ATXN7L1: variants seen among roughly 807,000 people sequenced by gnomAD.
The protein encoded by ATXN7L1 is ataxin-7-like protein 1.
A neutral mutation model predicts 70.8 loss-of-function variants in ATXN7L1; 15 were observed. The ratio of observed to expected loss-of-function variants is 0.21; its 90% CI spans 0.14 to 0.33. The LOEUF (loss-of-function observed/expected upper bound fraction) is 0.33. ATXN7L1 is among the 10% of genes least tolerant of loss of function. The pLI is 1.00. For synonymous variants in ATXN7L1, 440 were observed against 445.1 expected (o/e 0.99, Z 0.14); for missense variants, 975 against 1,097.1 (o/e 0.89, Z 1.57).
In ATXN7L1 at chr7:105,671,889, CAAAAA is replaced by C. The variant is rs55748938; in HGVS notation, c.356-6606_356-6602del. 2.6e-3 allele frequency among the ~76,000 whole-genome samples: 146 copies of C among 56,418 alleles called. 4 individuals carry two copies. In the East Asian group the frequency reaches 0.08, roughly 31 times the overall value. 37.0% of individuals were successfully genotyped at this position (56,418 alleles called of 152,430 possible). A position where few individuals can be genotyped will look rare whatever the true frequency, so the allele number is the denominator to read the frequency against. On this transcript the variant is annotated intron_variant, in intron 3 of 11. Coordinates refer to ENST00000419735, the MANE Select transcript of ATXN7L1 (RefSeq NM_020725.2). ...TGAATGACAGAGTGAGACCCTGTCTCAAAAAAAAAAAAAAAAAAAAAAAAAAGAAT... is the reference window on the plus strand; with the variant it reads ...TGAATGACAGAGTGAGACCCTGTCTCAAAAAAAAAAAAAAAAAAAAAGAAT...
rs530098640 is a variant in ATXN7L1 at position 105,861,707 on chromosome 7, A to G, written c.250+14105T>C. Among the ~76,000 whole-genome samples the G allele has an allele frequency of 3.3e-5, 5 of 152,264 alleles. No individual in the cohort carries two copies. The East Asian group carries it at 7.7e-4, about 23-fold the overall frequency. ...GGTGTGAACAGGAGCCAGGGTCCGG[A>G]GCAAATGCAGAGCAAACCGAGGGCA... On this transcript the variant is annotated intron_variant, in intron 2 of 11. Transcript: ENST00000419735.
chr7:105,648,650 C>G (rs1298165967), intron 4 of ATXN7L1, among the ~76,000 whole-genome samples: 3 of 152,178 alleles, frequency 2.0e-5, no homozygotes, highest in Non-Finnish European at 4.4e-5. Context: ...GCTGCAGCCA[C>G]AGTGCAGTCA....
chr7:105,778,566 A>T (rs950844923), intron 3 of ATXN7L1, among the ~76,000 whole-genome samples: 1 of 151,606 alleles, frequency 6.6e-6, no homozygotes, highest in Admixed American at 6.6e-5. Context: ...AGTTATGAAG[A>T]TCCTATTAAT....
At chr7:105,853,597 A>G (rs1815234963) in intron 2 of ATXN7L1, among the ~76,000 whole-genome samples, 1 of 148,920 alleles carries the variant, frequency 6.7e-6, no homozygotes, top group Non-Finnish European at 1.5e-5. Context: ...AAAAAAAACA[A>G]AAAAAGCCCC....
chr7:105,800,798 G>A (rs968741369), intron 2 of ATXN7L1, among the ~76,000 whole-genome samples: 4 of 152,208 alleles, frequency 2.6e-5, no homozygotes, highest in African/African-American at 9.6e-5. Context: ...TCCCCTGTAA[G>A]GTTGCTGCTA....
At position 105,703,639 on chromosome 7, in the gene ATXN7L1, C is replaced by T. The variant is rs754683609; in HGVS notation, c.356-38351G>A. On this transcript the variant is annotated intron_variant, in intron 3 of 11. Transcript: ENST00000419735. ...TGGCCAAAACCCTGAGAGACACTAC[C>T]CACCCTTGTATAAACAGGTATTAGA... Among the ~76,000 whole-genome samples the T allele has an allele frequency of 3.9e-5, 6 of 152,160 alleles. No homozygotes were observed. In the South Asian group the frequency reaches 6.2e-4, roughly 16 times the overall value.
At chr7:105,716,918 C>A in intron 3 of ATXN7L1, among the ~76,000 whole-genome samples, 1 of 151,668 alleles carries the variant, frequency 6.6e-6, no homozygotes, top group East Asian at 1.9e-4. Flanking sequence ...TTTAAAAAAT[C>A]TAATTATTAA....
chr7:105,838,243 T>C (rs1812689093), intron 2 of ATXN7L1, among the ~76,000 whole-genome samples: 1 of 152,146 alleles, frequency 6.6e-6, no homozygotes, highest in Admixed American at 6.5e-5. Flanking sequence ...TCGTTCTTTC[T>C]TTTTTTGGTG....
intron 7 of ATXN7L1, among the ~76,000 whole-genome samples, chr7:105,637,959 G>A (rs531115230): frequency 1.8e-4 from 28 of 152,268 alleles, no homozygotes; most frequent in African/African-American, 6.3e-4. Flanking sequence ...TCCAGGAATC[G>A]TCAACTAATA....
intron 3 of ATXN7L1, among the ~76,000 whole-genome samples, chr7:105,698,932 TAC>T (rs1792086982): frequency 7.0e-6 from 1 of 142,692 alleles, no homozygotes; most frequent in Non-Finnish European, 1.5e-5. Context: ...TATATATATA[TAC>T]CTTACTAGGC....
At chr7:105,621,222 T>A (rs1323894836) in intron 8 of ATXN7L1, among the ~76,000 whole-genome samples, 2 of 152,196 alleles carry the variant, frequency 1.3e-5, no homozygotes, top group Non-Finnish European at 2.9e-5. Context: ...GTTGTCTCCT[T>A]CCTTCTTCTT....
intron 2 of ATXN7L1, chr7:105,819,842 TG>T: frequency 1.6e-6 from 1 of 615,300 alleles, no homozygotes; most frequent in East Asian, 4.0e-5. Context: ...AAAAAGCGGA[TG>T]GTGGTTCCTG....
At chr7:105,870,006 G>A (rs935192733) in intron 2 of ATXN7L1, among the ~76,000 whole-genome samples, 1 of 152,164 alleles carries the variant, frequency 6.6e-6, no homozygotes, top group Non-Finnish European at 1.5e-5. Flanking sequence ...ATCTGGCCGG[G>A]TGCGGTGGCT....
chr7:105,619,532 T>A (rs7795234), intron 9 of ATXN7L1, among the ~76,000 whole-genome samples: 395 of 4,974 alleles, frequency 0.079, 1 homozygote, highest in South Asian at 0.14. Flanking sequence ...ATATATATAT[T>A]TTTTTTTTTT....
chr7:105,710,245 G>T (rs1019700284), intron 3 of ATXN7L1, among the ~76,000 whole-genome samples: 1 of 152,138 alleles, frequency 6.6e-6, no homozygotes, highest in Non-Finnish European at 1.5e-5. Flanking sequence ...ATGAAGAAAA[G>T]AGGTTTAATT....
rs200750459 is a variant in ATXN7L1, at chr7:105,624,097, G to A, written c.1373C>T (p.Thr458Met). Residue 458 changes from threonine to methionine, a missense_variant, in exon 8 of 12, where the codon ACG (threonine) becomes ATG (methionine). By Grantham distance (81) the Thr-to-Met change is moderately conservative. This residue lies in a region of ATXN7L1 where 635 missense variants were observed against 699.4 expected (regional missense o/e 0.91). Coordinates refer to ENST00000419735, the MANE Select transcript of ATXN7L1 (RefSeq NM_020725.2). ...TACCGCCAGAGGTCTGGGGTGGTGCGTGGAGAACTGACAGTCTAGCTTCTC... is the reference window on the plus strand; with the variant it reads ...TACCGCCAGAGGTCTGGGGTGGTGCATGGAGAACTGACAGTCTAGCTTCTC... ...ESEKLDCQFS[T>M]HHPRPLAFCS... 6.7e-6 allele frequency: 10 copies of A among 1,492,570 alleles called. No homozygotes were observed. The highest frequency in any genetic ancestry group is 1.4e-5 in the African/African-American group (1 of 70,820). 92.5% of individuals were successfully genotyped at this position (1,492,570 alleles called of 1,614,324 possible).
At chr7:105,619,682 G>A (rs1402243801) in intron 9 of ATXN7L1, among the ~76,000 whole-genome samples, 2 of 149,882 alleles carry the variant, frequency 1.3e-5, no homozygotes, top group African/African-American at 4.9e-5. Flanking sequence ...CTTTCAAGTA[G>A]CTAGGATCAT....
Position 105,614,714 on chromosome 7 carries a change from A to G in ATXN7L1, c.1620T>C (p.Ala540=). The part of the protein sequence containing the change: ...SVLQPFSNPS[A]VYLPSAPISS... ...TGATGGGAGCTGAAGGAAGATACAC[A>G]GCACTGGGGTTGCTGAAAGGCTGCA... The change falls in exon 10 of 12, where the codon GCT becomes GCC. Residue 540 remains alanine (A), a synonymous_variant. Transcript: ENST00000419735. This position sits in a 1 kb window ranked among gnomAD's most constrained non-coding sequence, Gnocchi z 4.3. The G allele has an allele frequency of 1.3e-6, 2 of 1,551,736 alleles. No individual in the cohort carries two copies. The highest frequency in any genetic ancestry group is 1.7e-6 in the Non-Finnish European group (2 of 1,147,012).
intron 9 of ATXN7L1, among the ~76,000 whole-genome samples, chr7:105,616,080 G>T (rs1793851129): frequency 1.3e-5 from 2 of 152,304 alleles, no homozygotes; most frequent in South Asian, 4.1e-4. Flanking sequence ...TTCTCACCTT[G>T]CTCCCTCTCC....
Sources: allele counts gnomAD v4.1 joint callset (sites outside exome capture counted in the v4.1 genomes callset), GRCh38; gene constraint gnomAD v4.1.1; regional missense constraint gnomAD v4.1.1; non-coding constraint Gnocchi (gnomAD v3.1); transcripts MANE v1.5; gene names NCBI Gene and HGNC (gene_info 2026-07-23, HGNC 2026-07-21).